Variants in IL36RN observed in about 807,000 individuals in gnomAD.
The protein encoded by IL36RN is interleukin 36 receptor antagonist.
IL36RN carries 11 observed loss-of-function variants against 13.0 expected under a neutral mutation model. The ratio of observed to expected loss-of-function variants is 0.85; its 90% confidence interval spans 0.53 to 1.40. The LOEUF (loss-of-function observed/expected upper bound fraction) is 1.40. Ranked by LOEUF, IL36RN falls within the 40% of genes most tolerant of loss-of-function variation. The pLI is 0.00. For synonymous variants in IL36RN, 94 were observed against 84.1 expected, an observed-to-expected ratio of 1.12 and a Z score of -0.64; for missense variants, 195 against 195.3, an observed-to-expected ratio of 1.00 and a Z score of 0.01.
intron 3 of IL36RN, among the ~76,000 whole-genome samples, chr2:113,061,857 G>A (rs1368748219): frequency 6.6e-6 from 1 of 152,120 alleles, no homozygotes; most frequent in Non-Finnish European, 1.5e-5. Context: ...AAAGGAGGGG[G>A]TTGAATCTAT....
At chr2:113,060,997 C>T in intron 3 of IL36RN, 60 bp downstream of exon 3, 1 of 1,265,218 alleles carries the variant, frequency 7.9e-7, no homozygotes, top group Non-Finnish European at 1.2e-6. Flanking sequence ...GGGAGGGGGC[C>T]TGAAGAGGGC....
In IL36RN at chr2:113,062,893, G is replaced by A. The variant is rs1685672001; in HGVS notation, c.*216G>A. 3.3e-6 allele frequency: 2 copies of A among 601,762 alleles called. No individual in the cohort carries two copies. Among genetic ancestry groups the A allele is most frequent in the Non-Finnish European group, 5.9e-6 (2 of 336,188 alleles). 37.3% of individuals were successfully genotyped at this position (601,762 alleles called of 1,614,324 possible). ...TCCCCCACTGGATGGTGCTACTGCT[G>A]TGGAATCTTGTAAAAACCATGTGGG... On this transcript the variant is annotated 3_prime_UTR_variant, in exon 5 of 5. Coordinates refer to ENST00000393200, the MANE Select transcript of IL36RN (RefSeq NM_012275.3).
intron 2 of IL36RN, among the ~76,000 whole-genome samples, chr2:113,060,164 G>C (rs1298481128): frequency 1.3e-5 from 2 of 152,048 alleles, no homozygotes; most frequent in Non-Finnish European, 2.9e-5. Flanking sequence ...CTGAAGTAAG[G>C]CAACTTGTTG....
chr2:113,058,992 A>C (rs944836275), upstream of IL36RN: 1 of 219,342 alleles, frequency 4.6e-6, no homozygotes, highest in African/African-American at 2.3e-5. Context: ...AAGAGCTGGA[A>C]AGCCTCAAGG....
intron 3 of IL36RN, 45 bp downstream of exon 3, chr2:113,060,982 C>T (rs1457978243): frequency 7.0e-7 from 1 of 1,438,056 alleles, no homozygotes. Flanking sequence ...TCTATACACT[C>T]TCAGGGGAGG....
At chr2:113,059,534 T>C (rs1685598169) in intron 2 of IL36RN, 67 bp downstream of exon 2, 1 of 1,580,714 alleles carries the variant, frequency 6.3e-7, no homozygotes, top group Admixed American at 1.7e-5. Flanking sequence ...AGACCCGTTG[T>C]CCAGCTCTGA....
Position 113,059,254 on chromosome 2 carries a change from G to A in IL36RN, c.-28+13G>A, listed in dbSNP as rs1685589406. On this transcript the variant is annotated intron_variant, in intron 1 of 4. Transcript: ENST00000393200. ...GGAACATTCTGAGGTATGCTCTGGG[G>A]CGCTGGTGGTACCGGAGCTCTCTCC... The A allele has an allele frequency of 1.0e-5, 7 of 682,908 alleles. No homozygotes were observed. Among genetic ancestry groups the A allele is most frequent in the Non-Finnish European group, 1.3e-5 (5 of 373,624 alleles). The allele number at this position is 682,908 out of a possible 1,614,324, so 42.3% of individuals were successfully genotyped here. A position where few individuals can be genotyped will look rare whatever the true frequency, so the allele number is the denominator to read the frequency against.
rs965907394 is a variant in IL36RN, at chr2:113,063,837, C to T, written c.*1160C>T. 2 of 152,166 alleles carry T rather than the reference C, an allele frequency of 1.3e-5. No homozygotes were observed. The highest frequency in any genetic ancestry group is 6.5e-5 in the Admixed American group (1 of 15,280). 9.4% of individuals were successfully genotyped at this position (152,166 alleles called of 1,614,324 possible). A position where few individuals can be genotyped will look rare whatever the true frequency, so the allele number is the denominator to read the frequency against. ...TCTGGTAATTCTTTCCTAGAAGGAT[C>T]ACAGCCCCTGGGATTCCAAGGCATT... On this transcript the variant is annotated 3_prime_UTR_variant, in exon 5 of 5. Coordinates refer to ENST00000393200, the MANE Select transcript of IL36RN (RefSeq NM_012275.3).
In IL36RN at chr2:113,063,031, C is replaced by T. The variant is rs1249854867; in HGVS notation, c.*354C>T. 1 of 369,806 alleles carries T rather than the reference C, an allele frequency of 2.7e-6. No homozygotes were observed. Among genetic ancestry groups the T allele is most frequent in the South Asian group, 2.1e-5 (1 of 46,894 alleles). 22.9% of individuals were successfully genotyped at this position (369,806 alleles called of 1,614,324 possible). On this transcript the variant is annotated 3_prime_UTR_variant, in exon 5 of 5. Coordinates refer to ENST00000393200, the MANE Select transcript of IL36RN (RefSeq NM_012275.3). ...TGTTACCCTGAGCCCCGCAGGCCAA[C>T]CCATCCCCAGTTGAGCCTTATAGGG... is the stretch of plus-strand genomic sequence containing the variant.
At chr2:113,062,399 C>T (rs1685660061) in intron 4 of IL36RN, 54 bp from the exon 5 acceptor site, 2 of 1,607,572 alleles carry the variant, frequency 1.2e-6, no homozygotes, top group Non-Finnish European at 1.7e-6. Flanking sequence ...CCTGCCCAGC[C>T]CTCCCTCTGC....
At chr2:113,059,361 A>AG (rs201646284) in intron 1 of IL36RN, 51 bp from the exon 2 acceptor site, 1 of 1,539,686 alleles carries the variant, frequency 6.5e-7, no homozygotes, top group Admixed American at 1.7e-5. Flanking sequence ...CCCAGACCCC[A>AG]GCCAACTCAG....
At chr2:113,059,897 G>A (rs1685607135) in intron 2 of IL36RN, among the ~76,000 whole-genome samples, 1 of 152,198 alleles carries the variant, frequency 6.6e-6, no homozygotes, top group South Asian at 2.1e-4. Context: ...CCACCCACTG[G>A]CATGTACCAA....
chr2:113,060,560 TA>T (rs1388018242), intron 2 of IL36RN, among the ~76,000 whole-genome samples: 1 of 152,172 alleles, frequency 6.6e-6, no homozygotes, highest in African/African-American at 2.4e-5. Context: ...GGCAAGAACC[TA>T]GGGCTCTGAC....
At chr2:113,059,639 G>A (rs1433652493) in intron 2 of IL36RN, among the ~76,000 whole-genome samples, 172 bp downstream of exon 2, 1 of 152,002 alleles carries the variant, frequency 6.6e-6, no homozygotes, top group African/African-American at 2.4e-5. Context: ...TTTCAAATAG[G>A]GGCAGGACTG....
At chr2:113,060,782 C>A in intron 2 of IL36RN, 70 bp from the exon 3 acceptor site, 1 of 1,109,634 alleles carries the variant, frequency 9.0e-7, no homozygotes, top group South Asian at 1.3e-5. Flanking sequence ...AGGGGGTTCT[C>A]TGGATCCAGG....
At position 113,062,920 on chromosome 2, in the gene IL36RN, T is replaced by A; in HGVS notation, c.*243T>A. ...GGAATCTTGTAAAAACCATGTGGGG[T>A]AAACTGGGAATAACATGAAAAGATT... On this transcript the variant is annotated 3_prime_UTR_variant, in exon 5 of 5. Transcript: ENST00000393200. The A allele has an allele frequency of 1.8e-6, 1 of 546,260 alleles. No homozygotes were observed. Among genetic ancestry groups the A allele is most frequent in the Non-Finnish European group, 3.3e-6 (1 of 303,110 alleles). 33.8% of individuals were successfully genotyped at this position (546,260 alleles called of 1,614,324 possible). A position where few individuals can be genotyped will look rare whatever the true frequency, so the allele number is the denominator to read the frequency against.
rs1310399144 is a variant in IL36RN, at chr2:113,064,349, C to T, written c.*1672C>T. 2 of 152,160 alleles carry T rather than the reference C, an allele frequency of 1.3e-5. No homozygotes were observed. Among genetic ancestry groups the T allele is most frequent in the Non-Finnish European group, 2.9e-5 (2 of 68,030 alleles). The allele number at this position is 152,160 out of a possible 1,614,324, so 9.4% of individuals were successfully genotyped here. A position where few individuals can be genotyped will look rare whatever the true frequency, so the allele number is the denominator to read the frequency against. ...AACTAATACAGCTGCTAAAATGATC[C>T]CTGTCTCCTCGTGTTTACATTCTGT... On this transcript the variant is annotated 3_prime_UTR_variant, in exon 5 of 5. Coordinates refer to ENST00000393200, the MANE Select transcript of IL36RN (RefSeq NM_012275.3).
At chr2:113,060,666 T>G (rs1024466513) in intron 2 of IL36RN, among the ~76,000 whole-genome samples, 186 bp from the exon 3 acceptor site, 2 of 152,152 alleles carry the variant, frequency 1.3e-5, no homozygotes, top group African/African-American at 2.4e-5. Context: ...TGGGAGACTG[T>G]GGGGTCATCC....
intron 3 of IL36RN, among the ~76,000 whole-genome samples, chr2:113,061,716 A>G (rs928606252): frequency 2.6e-5 from 4 of 152,076 alleles, no homozygotes; most frequent in African/African-American, 9.7e-5. Flanking sequence ...TGGTGAGGGG[A>G]TGTACAGAGA....
Sources: gnomAD v4.1 joint callset for allele counts (sites outside exome capture counted in the v4.1 genomes callset) on GRCh38, gnomAD v4.1.1 for gene constraint, MANE v1.5 for transcripts, NCBI Gene and HGNC (gene_info 2026-07-23, HGNC 2026-07-21) for gene names.